ZDHHC14: variants seen among roughly 807,000 people sequenced by gnomAD.
ZDHHC14 encodes palmitoyltransferase ZDHHC14.
ZDHHC14 carries 16 observed loss-of-function variants against 47.7 expected under a neutral mutation model. The observed-to-expected ratio is 0.34, with a 90% CI of 0.23 to 0.51. The LOEUF (loss-of-function observed/expected upper bound fraction) is 0.51, where lower values mean the gene tolerates loss of function less well. Ranked by LOEUF, ZDHHC14 falls within the 20% of genes least tolerant of loss-of-function variation. The pLI is 0.97. For missense variants in ZDHHC14, 515 were observed against 662.5 expected (o/e 0.78, Z 2.44); for synonymous variants, 293 against 278.9 (o/e 1.05, Z -0.50).
chr6:157,490,582 T>C (rs1181228850), intron 1 of ZDHHC14, among the ~76,000 whole-genome samples: 1 of 152,248 alleles, frequency 6.6e-6, no homozygotes, highest in African/African-American at 2.4e-5. Flanking sequence ...GTGTATGAGA[T>C]GCTGAAAGCA....
chr6:157,598,722 G>A (rs2114903073), intron 3 of ZDHHC14, among the ~76,000 whole-genome samples: 1 of 152,294 alleles, frequency 6.6e-6, no homozygotes, highest in African/African-American at 2.4e-5. Context: ...TGTTTTTCAT[G>A]GCTCAGGTCA....
chr6:157,409,152 T>C (rs568739834), intron 1 of ZDHHC14, among the ~76,000 whole-genome samples: 1 of 152,250 alleles, frequency 6.6e-6, no homozygotes, highest in South Asian at 2.1e-4. Flanking sequence ...TTGTACTTCA[T>C]GTGCCTCTCA....
chr6:157,592,907 C>T, intron 2 of ZDHHC14, 81 bp from the exon 3 acceptor site: 1 of 1,513,362 alleles, frequency 6.6e-7, no homozygotes, highest in Non-Finnish European at 8.8e-7. Context: ...TGCCCTGGAG[C>T]TTACACTCCA....
Position 157,614,615 on chromosome 6 carries a change from A to G in ZDHHC14, c.566-13734A>G, listed in dbSNP as rs139174056. 2.6e-5 allele frequency among the ~76,000 whole-genome samples: 4 copies of G among 152,228 alleles called. No individual in the cohort carries two copies. In the East Asian group the frequency reaches 7.7e-4, roughly 29 times the overall value. On this transcript the variant is annotated intron_variant, in intron 3 of 8. Transcript: ENST00000359775. ...TCAGAAAACCCCATGGAATCGCTAG[A>G]CATCGATCTGCCACAAATGGGAAAA... is the stretch of plus-strand genomic sequence containing the variant.
chr6:157,477,089 TAGGAAAATA>T (rs1779506411), intron 1 of ZDHHC14, among the ~76,000 whole-genome samples: 1 of 151,946 alleles, frequency 6.6e-6, no homozygotes, highest in African/African-American at 2.4e-5. Context: ...GGCATCCAAA[TAGGAAAATA>T]AGGCTGGGCG....
chr6:157,665,764 T>C (rs1182173987), intron 8 of ZDHHC14, among the ~76,000 whole-genome samples: 1 of 152,190 alleles, frequency 6.6e-6, no homozygotes, highest in Non-Finnish European at 1.5e-5. Flanking sequence ...GTGTATCCTC[T>C]CTCACAAGTG....
rs373321908 is a variant in ZDHHC14, at chr6:157,434,218, T to TTATATATATATATATATA, written c.245+51953_245+51970dup. Among the ~76,000 whole-genome samples the TTATATATATATATATATA allele has an allele frequency of 7.5e-3, 1,099 of 146,408 alleles. 12 individuals are homozygous for TTATATATATATATATATA. The highest frequency in any genetic ancestry group is 0.022 in the African/African-American group (862 of 39,070). ...TTTAGAGAGAAGCTAGCTTATAATT[T>TTATATATATATATATATA]TATATATATATATATATAATTCTTT... On this transcript the variant is annotated intron_variant, in intron 1 of 8. Transcript: ENST00000359775.
intron 8 of ZDHHC14, among the ~76,000 whole-genome samples, chr6:157,664,489 A>G (rs1204739709): frequency 6.6e-6 from 1 of 152,134 alleles, no homozygotes; most frequent in East Asian, 1.9e-4. Context: ...GTGGGTTTGT[A>G]TTATGTTTCG....
Position 157,381,640 on chromosome 6 carries a change from C to T in ZDHHC14, c.-382C>T, listed in dbSNP as rs1475218976. On this transcript the variant is annotated 5_prime_UTR_variant, in exon 1 of 9. Coordinates refer to ENST00000359775, the MANE Select transcript of ZDHHC14 (RefSeq NM_024630.3). ...GTGCTCGGGGGTCGGCGGGCCAGAGCCGAGGCGCGGCCGGGGAGCCGGGGG... is the reference window on the plus strand; with the variant it reads ...GTGCTCGGGGGTCGGCGGGCCAGAGTCGAGGCGCGGCCGGGGAGCCGGGGG... 2.3e-5 allele frequency: 4 copies of T among 170,554 alleles called. No individual in the cohort carries two copies. Among genetic ancestry groups the T allele is most frequent in the Admixed American group, 1.3e-4 (2 of 15,034 alleles). 10.6% of individuals were successfully genotyped at this position (170,554 alleles called of 1,614,324 possible). A position where few individuals can be genotyped will look rare whatever the true frequency, so the allele number is the denominator to read the frequency against.
intron 8 of ZDHHC14, among the ~76,000 whole-genome samples, chr6:157,655,402 C>T (rs187630976): frequency 5.9e-5 from 9 of 152,280 alleles, no homozygotes; most frequent in East Asian, 3.9e-4. Flanking sequence ...ACTAGCCTGG[C>T]GACTCCAGTG....
At chr6:157,627,986 G>A (rs1279770427) in intron 3 of ZDHHC14, among the ~76,000 whole-genome samples, 2 of 152,208 alleles carry the variant, frequency 1.3e-5, no homozygotes, top group African/African-American at 4.8e-5. Flanking sequence ...ATCAGGCGGT[G>A]TTGGTTCCCT....
intron 1 of ZDHHC14, among the ~76,000 whole-genome samples, chr6:157,522,961 C>CCTTCTTTCT (rs1172349492): frequency 1.1e-4 from 5 of 46,364 alleles, no homozygotes; most frequent in African/African-American, 4.1e-4. Context: ...TTCCTTCCTT[C>CCTTCTTTCT]TTTCTTTTCT....
intron 8 of ZDHHC14, among the ~76,000 whole-genome samples, chr6:157,662,500 G>A (rs777700647): frequency 2.1e-4 from 32 of 152,250 alleles, no homozygotes; most frequent in Non-Finnish European, 4.6e-4. Context: ...GTTTTTAAAC[G>A]TTCAGTTGAA....
chr6:157,635,659 T>C (rs1176971508), intron 5 of ZDHHC14, among the ~76,000 whole-genome samples: 1 of 151,930 alleles, frequency 6.6e-6, no homozygotes, highest in Non-Finnish European at 1.5e-5. Flanking sequence ...GCACGCTGCA[T>C]GGTGTGGCTG....
intron 1 of ZDHHC14, among the ~76,000 whole-genome samples, chr6:157,410,718 G>A (rs1777855950): frequency 6.6e-6 from 1 of 152,030 alleles, no homozygotes; most frequent in African/African-American, 2.4e-5. Context: ...ATTTTTTTGA[G>A]ATGGAGTCTC....
intron 1 of ZDHHC14, among the ~76,000 whole-genome samples, chr6:157,445,336 G>T (rs79464071): frequency 0.15 from 22,404 of 152,144 alleles, 1,994 homozygotes; most frequent in Middle Eastern, 0.24. Flanking sequence ...TTAGACAAGA[G>T]CCATCACGGT....
chr6:157,425,700 A>G (rs555019252), intron 1 of ZDHHC14, among the ~76,000 whole-genome samples: 2 of 152,326 alleles, frequency 1.3e-5, no homozygotes, highest in East Asian at 1.9e-4. Context: ...GTTCTGAAGT[A>G]GAAACTAAAA....
chr6:157,521,441 T>C (rs934745883), intron 1 of ZDHHC14, among the ~76,000 whole-genome samples: 3 of 152,210 alleles, frequency 2.0e-5, no homozygotes, highest in African/African-American at 7.2e-5. Context: ...GTAGCTCACA[T>C]ACAACAGAAA....
At chr6:157,573,155 C>T (rs200727296) in intron 2 of ZDHHC14, among the ~76,000 whole-genome samples, 17 of 150,822 alleles carry the variant, frequency 1.1e-4, no homozygotes, top group Non-Finnish European at 2.2e-4. Flanking sequence ...CGCCATCCCC[C>T]TTTCTTTCGG....
Sources: allele counts gnomAD v4.1 joint callset (sites outside exome capture counted in the v4.1 genomes callset), GRCh38; gene constraint gnomAD v4.1.1; transcripts MANE v1.5; gene names NCBI Gene and HGNC (gene_info 2026-07-23, HGNC 2026-07-21).